ENOX1: variants seen among roughly 807,000 people sequenced by gnomAD.
ENOX1 encodes ecto-NOX disulfide-thiol exchanger 1, also known as candidate growth-related and time keeping constitutive hydroquinone (NADH) oxidase.
In ENOX1, 42 loss-of-function variants were observed where a neutral mutation model predicts 82.5. That is an observed-to-expected ratio of 0.51 (90% confidence interval 0.40 to 0.66). The LOEUF (loss-of-function observed/expected upper bound fraction) is 0.66. Ranked by LOEUF, ENOX1 falls within the 30% of genes least tolerant of loss-of-function variation. ENOX1 has a pLI of 0.00. For missense variants in ENOX1, 608 were observed against 811.6 expected (o/e 0.75, Z 3.05); for synonymous variants, 271 against 282.2 (o/e 0.96, Z 0.40).
rs143360545 is a variant in ENOX1, at chr13:43,729,832, C to T, written c.-285+56820G>A. Reference sequence around the variant, plus strand: ...TGTAAGCTAAAGCTGGGTGTGTAAACGGCCTTCTCCCCTGCACTGGATCTC... The same window carrying T: ...TGTAAGCTAAAGCTGGGTGTGTAAATGGCCTTCTCCCCTGCACTGGATCTC... On this transcript the variant is annotated intron_variant, in intron 1 of 16. Coordinates refer to ENST00000690772, the MANE Select transcript of ENOX1 (RefSeq NM_001347969.2). Among the ~76,000 whole-genome samples the T allele has an allele frequency of 1.4e-3, 211 of 152,334 alleles. 1 individual carries two copies. The highest frequency in any genetic ancestry group is 4.9e-3 in the African/African-American group (203 of 41,564).
chr13:43,447,024 T>C (rs1322309872), intron 3 of ENOX1, among the ~76,000 whole-genome samples: 1 of 152,198 alleles, frequency 6.6e-6, no homozygotes, highest in East Asian at 1.9e-4. Context: ...CATGAGAACA[T>C]AGTGGCCTCT....
rs545156678 is a variant in ENOX1, at chr13:43,520,666, A to C, written c.-218-36514T>G. Reference sequence around the variant, plus strand: ...AGGGAGGCTTTGCCGGGGGGCGGCCACTGGTCAGGTAGAGATGGCATGTGA... The same window carrying C: ...AGGGAGGCTTTGCCGGGGGGCGGCCCCTGGTCAGGTAGAGATGGCATGTGA... On this transcript the variant is annotated intron_variant, in intron 2 of 16. Coordinates refer to ENST00000690772, the MANE Select transcript of ENOX1 (RefSeq NM_001347969.2). 3.9e-5 allele frequency among the ~76,000 whole-genome samples: 6 copies of C among 152,258 alleles called. No homozygotes were observed. The South Asian group carries it at 1.2e-3, about 32-fold the overall frequency.
At chr13:43,474,953 T>C (rs891931102) in intron 3 of ENOX1, among the ~76,000 whole-genome samples, 1 of 151,796 alleles carries the variant, frequency 6.6e-6, no homozygotes, top group African/African-American at 2.4e-5. Flanking sequence ...GAGAAGGAGG[T>C]AAAGAAGTTG....
intron 2 of ENOX1, among the ~76,000 whole-genome samples, chr13:43,563,697 G>A (rs1284412387): frequency 1.3e-5 from 2 of 151,920 alleles, no homozygotes; most frequent in Admixed American, 1.3e-4. Flanking sequence ...GGAGGCAAAG[G>A]ACTGTTAGAG....
At chr13:43,467,392 G>T (rs1472020022) in intron 3 of ENOX1, among the ~76,000 whole-genome samples, 3 of 152,132 alleles carry the variant, frequency 2.0e-5, no homozygotes, top group Non-Finnish European at 4.4e-5. Context: ...ACCCAAGTGG[G>T]TATGAAGTGG....
chr13:43,253,964 A>G (rs2043604605), intron 14 of ENOX1, among the ~76,000 whole-genome samples: 1 of 152,186 alleles, frequency 6.6e-6, no homozygotes, highest in African/African-American at 2.4e-5. Flanking sequence ...CTTTAAAATG[A>G]TATTGCTTGC....
At chr13:43,357,481 C>G (rs532000685) in intron 7 of ENOX1, among the ~76,000 whole-genome samples, 1 of 152,124 alleles carries the variant, frequency 6.6e-6, no homozygotes, top group Non-Finnish European at 1.5e-5. Flanking sequence ...CATAACAATA[C>G]CAATCAAAAA....
intron 3 of ENOX1, among the ~76,000 whole-genome samples, chr13:43,459,902 G>A (rs1021708969): frequency 1.3e-5 from 2 of 152,070 alleles, no homozygotes; most frequent in African/African-American, 4.8e-5. Flanking sequence ...GCTGAGGCAG[G>A]AGAATTGCTT....
At chr13:43,613,589 G>A (rs1010369489) in intron 2 of ENOX1, among the ~76,000 whole-genome samples, 1 of 152,036 alleles carries the variant, frequency 6.6e-6, no homozygotes, top group Non-Finnish European at 1.5e-5. Flanking sequence ...AAAGAGGAGG[G>A]ATTATAACTG....
intron 2 of ENOX1, among the ~76,000 whole-genome samples, chr13:43,533,769 C>A (rs1053460361): frequency 6.6e-6 from 1 of 152,108 alleles, no homozygotes; most frequent in Non-Finnish European, 1.5e-5. Flanking sequence ...TCATTAAACT[C>A]GAATGGTCTC....
chr13:43,439,654 T>C (rs1218752562), intron 3 of ENOX1, among the ~76,000 whole-genome samples: 2 of 120,890 alleles, frequency 1.7e-5, no homozygotes, highest in African/African-American at 5.9e-5. Context: ...TCCCTTCTTA[T>C]AGCAACTCGT....
chr13:43,409,611 A>G (rs1405196922), intron 5 of ENOX1, among the ~76,000 whole-genome samples: 1 of 152,226 alleles, frequency 6.6e-6, no homozygotes, highest in Non-Finnish European at 1.5e-5. Flanking sequence ...TTCTTTAAAG[A>G]AACTTGGCTA....
At chr13:43,609,835 G>T in intron 2 of ENOX1, 1 of 679,432 alleles carries the variant, frequency 1.5e-6, no homozygotes, top group Non-Finnish European at 1.8e-6. Context: ...TATTTAAAAG[G>T]ACCATTACAA....
chr13:43,324,137 A>G (rs780582329), intron 10 of ENOX1, among the ~76,000 whole-genome samples: 4 of 151,532 alleles, frequency 2.6e-5, no homozygotes, highest in Non-Finnish European at 5.9e-5. Context: ...TGGGTGTCAC[A>G]TGTGATTAGT....
intron 1 of ENOX1, among the ~76,000 whole-genome samples, chr13:43,675,147 G>GA (rs1223405669): frequency 6.6e-6 from 1 of 152,176 alleles, no homozygotes; most frequent in Non-Finnish European, 1.5e-5. Flanking sequence ...CTGCTGTATG[G>GA]AAAATGGATC....
At chr13:43,714,669 T>C (rs2087984747) in intron 1 of ENOX1, among the ~76,000 whole-genome samples, 1 of 152,212 alleles carries the variant, frequency 6.6e-6, no homozygotes, top group Non-Finnish European at 1.5e-5. Flanking sequence ...CATTATGTAA[T>C]GGCCTTCTTT....
At chr13:43,774,296 T>A (rs913099044) in intron 1 of ENOX1, among the ~76,000 whole-genome samples, 1 of 152,308 alleles carries the variant, frequency 6.6e-6, no homozygotes, top group Non-Finnish European at 1.5e-5. Context: ...TACTTTCACA[T>A]AGGCATGACT....
intron 12 of ENOX1, among the ~76,000 whole-genome samples, chr13:43,295,130 G>A (rs941476742): frequency 5.3e-4 from 81 of 152,130 alleles, no homozygotes; most frequent in African/African-American, 1.9e-3. Flanking sequence ...TAAACCTAAC[G>A]AAAGAATTCA....
intron 14 of ENOX1, among the ~76,000 whole-genome samples, chr13:43,257,565 T>C (rs1312683171): frequency 6.6e-6 from 1 of 152,202 alleles, no homozygotes; most frequent in Admixed American, 6.5e-5. Flanking sequence ...TAAACAAAGA[T>C]AATGGAAATA....
Sources: allele counts gnomAD v4.1 joint callset (sites outside exome capture counted in the v4.1 genomes callset), GRCh38; gene constraint gnomAD v4.1.1; transcripts MANE v1.5; gene names NCBI Gene and HGNC (gene_info 2026-07-23, HGNC 2026-07-21).